CSRNP2: variants seen among roughly 807,000 people sequenced by gnomAD.
CSRNP2 encodes the protein cysteine/serine-rich nuclear protein 2.
CSRNP2 carries 11 observed loss-of-function variants against 36.6 expected under a neutral mutation model. The ratio of observed to expected loss-of-function variants is 0.30; its 90% CI spans 0.19 to 0.50. CSRNP2 has a LOEUF of 0.50. Among genes scored for constraint, CSRNP2 ranks in the 20% least tolerant of loss-of-function variants. CSRNP2 has a pLI of 0.98. For missense variants in CSRNP2, 483 were observed against 691.4 expected (o/e 0.70, Z 3.38); for synonymous variants, 248 against 275.3 (o/e 0.90, Z 0.98).
At chr12:51,073,727 G>A (rs1256215705) in intron 3 of CSRNP2, 96 bp downstream of exon 3, 8 of 1,033,300 alleles carry the variant, frequency 7.7e-6, no homozygotes, top group South Asian at 1.7e-5. Context: ...CTCTGTCCCA[G>A]AAAAAAAAAA....
chr12:51,068,998 C>T (rs113129956), intron 3 of CSRNP2, among the ~76,000 whole-genome samples: 22 of 151,984 alleles, frequency 1.4e-4, no homozygotes, highest in African/African-American at 5.1e-4. Context: ...TTTTTTGAGA[C>T]GGAGTCTCGC....
In CSRNP2 at chr12:51,067,719, C is replaced by T. The variant is rs1277057464; in HGVS notation, c.662G>A (p.Cys221Tyr). The T allele has an allele frequency of 6.2e-7, 1 of 1,614,192 alleles. No homozygotes were observed. Among genetic ancestry groups the T allele is most frequent in the Non-Finnish European group, 8.5e-7 (1 of 1,180,030 alleles). ...GCTGCAGGCACACGCTTCTGGGTCA[C>T]AATACAGTCGGCAGTCACAACCACA... Reference protein sequence around the residue: ...EECGCDCRLYCDPEACACSQA... With the variant: ...EECGCDCRLYYDPEACACSQA... The change falls in exon 4 of 5, where the codon TGT (cysteine) becomes TAT (tyrosine). Residue 221 changes from cysteine (C) to tyrosine (Y), a missense_variant. By Grantham distance (194) the Cys-to-Tyr change is radical. Transcript: ENST00000228515. The surrounding 1 kb of genome is among the most constrained non-coding windows in gnomAD (Gnocchi z 4.1).
At chr12:51,071,258 TC>T (rs1247403072) in intron 3 of CSRNP2, among the ~76,000 whole-genome samples, 2 of 15,608 alleles carry the variant, frequency 1.3e-4, no homozygotes, top group Non-Finnish European at 3.3e-4. Flanking sequence ...AGACCCTGCA[TC>T]AAAAAAAAAA....
At chr12:51,072,891 G>A (rs1477116216) in intron 3 of CSRNP2, among the ~76,000 whole-genome samples, 1 of 152,066 alleles carries the variant, frequency 6.6e-6, no homozygotes, top group Non-Finnish European at 1.5e-5. Flanking sequence ...AGACCTGAAC[G>A]CCTTCACGTA....
chr12:51,066,251 G>A lies in CSRNP2; in HGVS notation c.708+1422C>T, dbSNP rs189732524. The stretch of plus-strand genomic sequence containing the variant: ...AGGCGGATCACGAGGTCAAGAGATC[G>A]AGACCATCCTGGCCTACATGGTGAA... On this transcript the variant is annotated intron_variant, in intron 4 of 4. Coordinates refer to ENST00000228515, the MANE Select transcript of CSRNP2 (RefSeq NM_030809.3). Among the ~76,000 whole-genome samples, 6 of 152,054 alleles carry A rather than the reference G, an allele frequency of 3.9e-5. No individual in the cohort carries two copies. The East Asian group carries it at 5.8e-4, about 15-fold the overall frequency.
At chr12:51,065,499 T>TC (rs1267348778) in intron 4 of CSRNP2, among the ~76,000 whole-genome samples, 1 of 151,438 alleles carries the variant, frequency 6.6e-6, no homozygotes, top group Non-Finnish European at 1.5e-5. Context: ...AGTTATACCA[T>TC]TTTTTTTTCC....
At position 51,064,510 on chromosome 12, in the gene CSRNP2, G is replaced by A. The variant is rs537309458; in HGVS notation, c.868C>T (p.Pro290Ser). The change falls in exon 5 of 5, where the codon CCA becomes TCA. Residue 290 changes from proline to serine, a missense_variant. By Grantham distance (74) the Pro-to-Ser change is moderately conservative. Transcript: ENST00000228515. Reference protein sequence around the residue: ...SKRQVSRPAAPDEEPSPTASC... With the variant: ...SKRQVSRPAASDEEPSPTASC... ...GCAGTCGGGGAGGGCTCCTCATCTG[G>A]GGCTGCTGGGCGGCTCACCTGCCGC... 55 of 1,612,350 alleles carry A rather than the reference G, an allele frequency of 3.4e-5. No homozygotes were observed. Among genetic ancestry groups the A allele is most frequent in the Non-Finnish European group, 4.6e-5 (54 of 1,179,208 alleles).
chr12:51,073,792 G>C, intron 3 of CSRNP2, 31 bp downstream of exon 3: 1 of 1,591,688 alleles, frequency 6.3e-7, no homozygotes, highest in African/African-American at 1.4e-5. Context: ...TTCCTACATG[G>C]ACAGCAGTAG....
rs927311846 is a variant in CSRNP2 at position 51,067,441 on chromosome 12, A to C, written c.708+232T>G. On this transcript the variant is annotated intron_variant, in intron 4 of 4. Coordinates refer to ENST00000228515, the MANE Select transcript of CSRNP2 (RefSeq NM_030809.3). The surrounding 1 kb of genome is among the most constrained non-coding windows in gnomAD (Gnocchi z 4.1). ...ACTGCAGCCTTGACCTCCTGGACTC[A>C]AGAGATCCTCCTACCTCAGCCTCCC... 1.3e-4 allele frequency among the ~76,000 whole-genome samples: 20 copies of C among 152,136 alleles called. No individual in the cohort carries two copies. Among genetic ancestry groups the C allele is most frequent in the African/African-American group, 4.8e-4 (20 of 41,422 alleles).
intron 1 of CSRNP2, among the ~76,000 whole-genome samples, chr12:51,077,263 C>G (rs901246482): frequency 7.9e-5 from 12 of 152,052 alleles, no homozygotes; most frequent in Non-Finnish European, 1.6e-4. Flanking sequence ...CTTATTTTTC[C>G]TAGTGATAAT....
At chr12:51,069,887 A>G (rs1938928313) in intron 3 of CSRNP2, among the ~76,000 whole-genome samples, 1 of 151,782 alleles carries the variant, frequency 6.6e-6, no homozygotes, top group Admixed American at 6.6e-5. Flanking sequence ...TTTTTAGTAG[A>G]GACGGGGTTT....
In CSRNP2 at chr12:51,063,999, A is replaced by C. The variant is rs1478091340; in HGVS notation, c.1379T>G (p.Val460Gly). 1 of 1,614,032 alleles carries C rather than the reference A, an allele frequency of 6.2e-7. No individual in the cohort carries two copies. Among genetic ancestry groups the C allele is most frequent in the Non-Finnish European group, 8.5e-7 (1 of 1,179,986 alleles). ...NVFSLPVTSL[V>G]ACSSTDPAAL... ...AGCTGGGTCTGTGGAGCTACAAGCC[A>C]CGAGTGAGGTAACAGGGAGAGAGAA... Residue 460 changes from valine to glycine, a missense_variant, in exon 5 of 5, where the codon GTG (valine) becomes GGG (glycine). By Grantham distance (109) the Val-to-Gly change is moderately radical (BLOSUM62 -3). Around this residue, in one of 2 missense-constraint regions of CSRNP2, gnomAD observed 277 missense variants for 323.6 expected, o/e 0.86. Coordinates refer to ENST00000228515, the MANE Select transcript of CSRNP2 (RefSeq NM_030809.3).
At chr12:51,079,114 A>G (rs1028451865) in intron 1 of CSRNP2, among the ~76,000 whole-genome samples, 3 of 152,164 alleles carry the variant, frequency 2.0e-5, no homozygotes, top group Admixed American at 1.3e-4. Flanking sequence ...TGAACAAACT[A>G]TCTCAAGGAC....
In CSRNP2 at chr12:51,063,919, C is replaced by T. The variant is rs775963118; in HGVS notation, c.1459G>A (p.Glu487Lys). 11 of 1,613,886 alleles carry T rather than the reference C, an allele frequency of 6.8e-6. No homozygotes were observed. The highest frequency in any genetic ancestry group is 2.2e-5 in the East Asian group (1 of 44,876). The change falls in exon 5 of 5, where the codon GAA becomes AAA. Residue 487 changes from glutamate (E) to lysine (K), a missense_variant. Physicochemically the swap from Glu to Lys is moderately conservative, Grantham distance 56. Coordinates refer to ENST00000228515, the MANE Select transcript of CSRNP2 (RefSeq NM_030809.3). ...TCAGGCTCCTCAGGGTTACAATCTTCGGGCAATAGAGCTTCTAGGGTGGGT... is the reference window on the plus strand; with the variant it reads ...TCAGGCTCCTCAGGGTTACAATCTTTGGGCAATAGAGCTTCTAGGGTGGGT... ...KTPTLEALLP[E>K]DCNPEEPENE...
In CSRNP2 at chr12:51,062,792, CAA is replaced by C. The variant is rs1042291532; in HGVS notation, c.*952_*953del. 2 of 152,348 alleles carry C rather than the reference CAA, an allele frequency of 1.3e-5. No individual in the cohort carries two copies. Among genetic ancestry groups the C allele is most frequent in the African/African-American group, 2.4e-5 (1 of 41,450 alleles). 9.4% of individuals were successfully genotyped at this position (152,348 alleles called of 1,614,324 possible). On this transcript the variant is annotated 3_prime_UTR_variant, in exon 5 of 5. Coordinates refer to ENST00000228515, the MANE Select transcript of CSRNP2 (RefSeq NM_030809.3). ...ACATTCCACTAAAGCTCAGATCTCA[CAA>C]AGAGGGAAAAACCTGGGTGAAAAAA...
chr12:51,077,547 A>C (rs1942240127), intron 1 of CSRNP2, among the ~76,000 whole-genome samples: 1 of 152,172 alleles, frequency 6.6e-6, no homozygotes. Flanking sequence ...CTCAATTTTG[A>C]AGGACATTAG....
Position 51,064,083 on chromosome 12 carries a change from C to T in CSRNP2, c.1295G>A (p.Gly432Glu), listed in dbSNP as rs1201076438. The T allele has an allele frequency of 6.2e-7, 1 of 1,614,212 alleles. No individual in the cohort carries two copies. Among genetic ancestry groups the T allele is most frequent in the East Asian group, 2.2e-5 (1 of 44,886 alleles). ...VEQRPVLGVK[G>E]EPGTEEGSAS... ...TGAGCCTTCTTCCGTACCAGGCTCT[C>T]CTTTCACTCCCAAGACTGGCCTCTG... Residue 432 changes from glycine to glutamate, a missense_variant, in exon 5 of 5, where the codon GGA becomes GAA. Physicochemically the swap from Gly to Glu is moderately conservative, Grantham distance 98. Transcript: ENST00000228515.
chr12:51,079,183 T>G (rs1173357330), intron 1 of CSRNP2, among the ~76,000 whole-genome samples: 2 of 151,562 alleles, frequency 1.3e-5, no homozygotes, highest in Non-Finnish European at 2.9e-5. Flanking sequence ...TGAGAACACA[T>G]GGACACAGGA....
intron 3 of CSRNP2, among the ~76,000 whole-genome samples, chr12:51,070,366 C>T (rs1448133858): frequency 1.3e-5 from 2 of 152,150 alleles, no homozygotes; most frequent in African/African-American, 2.4e-5. Flanking sequence ...GATTTCGGTA[C>T]TAGGCAGGCC....
Sources: allele counts gnomAD v4.1 joint callset (sites outside exome capture counted in the v4.1 genomes callset), GRCh38; gene constraint gnomAD v4.1.1; regional missense constraint gnomAD v4.1.1; non-coding constraint Gnocchi (gnomAD v3.1); transcripts MANE v1.5; gene names NCBI Gene and HGNC (gene_info 2026-07-23, HGNC 2026-07-21).